CORIN: variants seen among roughly 807,000 people sequenced by gnomAD.
The protein encoded by CORIN is atrial natriuretic peptide-converting enzyme.
Under a neutral mutation model 125.3 loss-of-function variants are expected in CORIN, and 117 were observed. The ratio of observed to expected loss-of-function variants is 0.93; its 90% CI spans 0.80 to 1.09. CORIN has a LOEUF of 1.09. Ranked by LOEUF, CORIN falls within the 50% of genes least tolerant of loss-of-function variation. CORIN has a pLI of 0.00. For missense variants in CORIN, 1,253 were observed against 1,306.7 expected (o/e 0.96, Z 0.63); for synonymous variants, 450 against 466.4 (o/e 0.96, Z 0.45).
At chr4:47,769,459 G>A (rs970119257) in intron 3 of CORIN, among the ~76,000 whole-genome samples, 2 of 151,988 alleles carry the variant, frequency 1.3e-5, no homozygotes, top group Non-Finnish European at 2.9e-5. Flanking sequence ...TACCCAAAGT[G>A]ATCTACAGAT....
rs1384275873 is a variant in CORIN at position 47,674,491 on chromosome 4, G to A, written c.1259C>T (p.Ser420Leu). The stretch of plus-strand genomic sequence containing the variant: ...GCATCTTTGGTCTCCTTCTTGACAT[G>A]AAGTCTGAACTACAGAGGGAGGAAA... ...DEENCSVIQT[S>L]CQEGDQRCLY... Residue 420 changes from serine (S) to leucine (L), a missense_variant, in exon 10 of 22, where the codon TCA becomes TTA. Coordinates refer to ENST00000273857, the MANE Select transcript of CORIN (RefSeq NM_006587.4). 1.9e-6 allele frequency: 3 copies of A among 1,609,812 alleles called. No individual in the cohort carries two copies. Among genetic ancestry groups the A allele is most frequent in the Non-Finnish European group, 1.7e-6 (2 of 1,176,236 alleles).
chr4:47,743,304 T>G (rs1168359929), intron 5 of CORIN, among the ~76,000 whole-genome samples: 1 of 152,190 alleles, frequency 6.6e-6, no homozygotes, highest in African/African-American at 2.4e-5. Flanking sequence ...CCATAGGGCA[T>G]GAGATCTTTG....
At chr4:47,648,495 T>A (rs936156398) in intron 13 of CORIN, among the ~76,000 whole-genome samples, 4 of 152,144 alleles carry the variant, frequency 2.6e-5, no homozygotes, top group Non-Finnish European at 5.9e-5. Flanking sequence ...GCTTACTCTA[T>A]CTCTCATTTT....
intron 11 of CORIN, among the ~76,000 whole-genome samples, chr4:47,662,482 G>A (rs566671740): frequency 2.0e-4 from 31 of 152,156 alleles, no homozygotes; most frequent in South Asian, 1.2e-3. Context: ...GCTTTCGTGC[G>A]TATTATGTCT....
intron 19 of CORIN, among the ~76,000 whole-genome samples, chr4:47,613,157 A>C (rs1381194195): frequency 6.6e-6 from 1 of 152,198 alleles, no homozygotes; most frequent in African/African-American, 2.4e-5. Context: ...ATGTGACTAC[A>C]TAAAGATTTC....
chr4:47,676,700 T>C (rs574780247), intron 9 of CORIN, among the ~76,000 whole-genome samples: 11 of 152,276 alleles, frequency 7.2e-5, no homozygotes, highest in African/African-American at 2.2e-4. Context: ...AAATTTTACT[T>C]TTAAATCTGT....
chr4:47,603,073 A>G (rs1178125982), intron 20 of CORIN, among the ~76,000 whole-genome samples: 1 of 152,204 alleles, frequency 6.6e-6, no homozygotes, highest in East Asian at 1.9e-4. Flanking sequence ...CTTGAATTGT[A>G]GTTCCCATAA....
intron 5 of CORIN, among the ~76,000 whole-genome samples, chr4:47,704,718 G>A (rs1192175493): frequency 6.6e-6 from 1 of 152,074 alleles, no homozygotes. Context: ...CTAAAAACAC[G>A]CTATCGATCA....
intron 1 of CORIN, among the ~76,000 whole-genome samples, chr4:47,820,483 C>A (rs549032583): frequency 7.5e-4 from 114 of 152,190 alleles, no homozygotes; most frequent in African/African-American, 2.6e-3. Context: ...AAAAGAGCAT[C>A]CCTGTAAAAG....
intron 19 of CORIN, among the ~76,000 whole-genome samples, chr4:47,610,281 T>C (rs995361892): frequency 2.0e-5 from 3 of 152,232 alleles, no homozygotes; most frequent in African/African-American, 7.2e-5. Flanking sequence ...TTCTTGGCTT[T>C]TTAATAATTG....
intron 4 of CORIN, among the ~76,000 whole-genome samples, chr4:47,757,905 T>TATGTATATATATATATATATATATATAC: frequency 7.1e-6 from 1 of 141,684 alleles, no homozygotes; most frequent in East Asian, 2.0e-4. Flanking sequence ...TATATATATA[T>TATGTATATATATATATATATATATATAC]ACACAAATAT....
At chr4:47,783,281 T>G (rs1050717629) in intron 3 of CORIN, among the ~76,000 whole-genome samples, 3 of 152,110 alleles carry the variant, frequency 2.0e-5, no homozygotes, top group Non-Finnish European at 4.4e-5. Context: ...AGTATGAACA[T>G]TAACTATGGG....
At chr4:47,612,734 A>T (rs889858128) in intron 19 of CORIN, among the ~76,000 whole-genome samples, 2 of 152,222 alleles carry the variant, frequency 1.3e-5, no homozygotes, top group African/African-American at 4.8e-5. Flanking sequence ...AAGGGTCCAC[A>T]GGCATCAAAA....
chr4:47,625,414 T>C (rs1722512682), intron 17 of CORIN, among the ~76,000 whole-genome samples: 1 of 152,034 alleles, frequency 6.6e-6, no homozygotes, highest in Non-Finnish European at 1.5e-5. Context: ...CAACTCCCAA[T>C]CTAGAATGCA....
intron 19 of CORIN, among the ~76,000 whole-genome samples, chr4:47,618,825 AAAAAAAGAAAG>A (rs1031624527): frequency 2.0e-5 from 3 of 152,076 alleles, no homozygotes; most frequent in African/African-American, 7.2e-5. Flanking sequence ...CTCACAAAAA[AAAAAAAGAAAG>A]AAAAAGAAAG....
intron 3 of CORIN, among the ~76,000 whole-genome samples, chr4:47,765,315 A>ACCCC (rs1560538943): frequency 8.6e-5 from 13 of 150,652 alleles, no homozygotes; most frequent in African/African-American, 2.9e-4. Flanking sequence ...CGTCCCCCAA[A>ACCCC]AAAAAAAAAA....
At chr4:47,649,105 G>A (rs1032972280) in intron 13 of CORIN, among the ~76,000 whole-genome samples, 4 of 152,194 alleles carry the variant, frequency 2.6e-5, no homozygotes, top group Admixed American at 6.5e-5. Flanking sequence ...CTGGAAAGTC[G>A]CAGCAGCCTA....
At chr4:47,631,533 C>A (rs929304853) in intron 16 of CORIN, among the ~76,000 whole-genome samples, 1 of 152,048 alleles carries the variant, frequency 6.6e-6, no homozygotes, top group Admixed American at 6.5e-5. Flanking sequence ...TGCAGGAAAA[C>A]AAGCTCAGGT....
At chr4:47,704,150 T>TAA (rs903445245) in intron 5 of CORIN, among the ~76,000 whole-genome samples, 1 of 152,148 alleles carries the variant, frequency 6.6e-6, no homozygotes, top group Non-Finnish European at 1.5e-5. Context: ...GCACACTACA[T>TAA]AAAATCTCTC....
Sources: allele counts gnomAD v4.1 joint callset (sites outside exome capture counted in the v4.1 genomes callset), GRCh38; gene constraint gnomAD v4.1.1; transcripts MANE v1.5; gene names NCBI Gene and HGNC (gene_info 2026-07-23, HGNC 2026-07-21).